DOCK4: variants seen among roughly 807,000 people sequenced by gnomAD.
DOCK4 encodes dedicator of cytokinesis protein 4.
DOCK4 carries 97 observed loss-of-function variants against 268.1 expected under a neutral mutation model. The ratio of observed to expected loss-of-function variants is 0.36; its 90% confidence interval spans 0.31 to 0.43. DOCK4 has a LOEUF of 0.43. Among genes scored for constraint, DOCK4 ranks in the 20% least tolerant of loss-of-function variants. DOCK4 has a pLI of 1.00. For synonymous variants in DOCK4, 954 were observed against 887.2 expected (o/e 1.08, Z -1.34); for missense variants, 2,145 against 2,455.7 (o/e 0.87, Z 2.67).
chr7:112,181,708 C>T (rs1282144577), intron 1 of DOCK4, among the ~76,000 whole-genome samples: 2 of 144,808 alleles, frequency 1.4e-5, no homozygotes, highest in East Asian at 2.0e-4. Context: ...AAGTATGATA[C>T]GTTCCCACTG....
intron 12 of DOCK4, among the ~76,000 whole-genome samples, chr7:111,934,562 C>G (rs1451011458): frequency 8.4e-6 from 1 of 119,558 alleles, no homozygotes; most frequent in African/African-American, 3.2e-5. Context: ...CAGTGTCTTG[C>G]TCTGTCACCC....
intron 38 of DOCK4, among the ~76,000 whole-genome samples, chr7:111,766,416 T>G (rs747764816): frequency 8.5e-5 from 13 of 152,200 alleles, no homozygotes; most frequent in Non-Finnish European, 1.9e-4. Context: ...CAGGATCTTG[T>G]GTATTACAAG....
intron 1 of DOCK4, among the ~76,000 whole-genome samples, chr7:112,122,253 T>C (rs926558204): frequency 2.6e-5 from 4 of 152,132 alleles, no homozygotes; most frequent in Non-Finnish European, 4.4e-5. Context: ...AGTATATTCA[T>C]ATTGTTGTAA....
At chr7:112,151,223 C>A (rs752324607) in intron 1 of DOCK4, among the ~76,000 whole-genome samples, 1 of 152,072 alleles carries the variant, frequency 6.6e-6, no homozygotes, top group Non-Finnish European at 1.5e-5. Context: ...GGCATCAGAA[C>A]GGGAGCTGGT....
chr7:112,077,103 C>T (rs969650421), intron 1 of DOCK4, among the ~76,000 whole-genome samples: 2 of 152,064 alleles, frequency 1.3e-5, no homozygotes, highest in African/African-American at 4.8e-5. Flanking sequence ...AACTGATACT[C>T]AGCAAATAAG....
Position 111,788,560 on chromosome 7 carries a change from T to C in DOCK4, c.3401+102A>G, listed in dbSNP as rs1799327375. 5 of 922,860 alleles carry C rather than the reference T, an allele frequency of 5.4e-6. No homozygotes were observed. The Admixed American group carries it at 8.0e-5, about 15-fold the overall frequency. The allele number at this position is 922,860 out of a possible 1,614,324, so 57.2% of individuals were successfully genotyped here. A position where few individuals can be genotyped will look rare whatever the true frequency, so the allele number is the denominator to read the frequency against. ...AAAGACAAAGCCCTCCTGTGAGACC[T>C]AAGCTGTCTTTGCAGCTCTCAGCTA... On this transcript the variant is annotated intron_variant, in intron 32 of 52. Coordinates refer to ENST00000428084, the MANE Select transcript of DOCK4 (RefSeq NM_001363540.2).
intron 1 of DOCK4, among the ~76,000 whole-genome samples, chr7:112,197,430 A>C (rs1299024744): frequency 6.6e-6 from 1 of 151,996 alleles, no homozygotes; most frequent in Non-Finnish European, 1.5e-5. Context: ...TTATTCGTGC[A>C]CTCTGTTTTT....
intron 1 of DOCK4, among the ~76,000 whole-genome samples, chr7:112,174,742 C>A (rs1426797153): frequency 3.3e-5 from 5 of 152,102 alleles, no homozygotes; most frequent in Admixed American, 3.3e-4. Context: ...GCCCCAGAAA[C>A]CTGTAATACC....
At chr7:111,753,009 G>GGGA (rs1554581811) in intron 42 of DOCK4, among the ~76,000 whole-genome samples, 1 of 146,130 alleles carries the variant, frequency 6.8e-6, no homozygotes, top group African/African-American at 2.5e-5. Context: ...AGCTATTGGG[G>GGGA]GGGGGGTCTG....
intron 52 of DOCK4, among the ~76,000 whole-genome samples, chr7:111,730,036 G>C (rs1241472286): frequency 6.6e-6 from 1 of 152,202 alleles, no homozygotes; most frequent in East Asian, 1.9e-4. Context: ...TTTAAAAGCT[G>C]AGAAGGGCTG....
intron 1 of DOCK4, among the ~76,000 whole-genome samples, chr7:112,052,126 G>C (rs1013563478): frequency 6.6e-6 from 1 of 152,064 alleles, no homozygotes; most frequent in African/African-American, 2.4e-5. Flanking sequence ...TAAACGCTAT[G>C]TAAATAATTA....
chr7:112,188,847 A>G (rs909041535), intron 1 of DOCK4, among the ~76,000 whole-genome samples: 1 of 152,232 alleles, frequency 6.6e-6, no homozygotes, highest in African/African-American at 2.4e-5. Flanking sequence ...GCAGCATTTT[A>G]TCCTACTAAA....
chr7:111,781,136 G>A lies in DOCK4; in HGVS notation c.3585+1728C>T, dbSNP rs573054561. Among the ~76,000 whole-genome samples, 10 of 152,280 alleles carry A rather than the reference G, an allele frequency of 6.6e-5. No individual in the cohort carries two copies. The East Asian group carries it at 1.9e-3, about 29-fold the overall frequency. ...ATGAACATAAGGTCTATATTTATTT[G>A]CTCATCTCCAAATGGAAGGTACTTG... On this transcript the variant is annotated intron_variant, in intron 35 of 52. Coordinates refer to ENST00000428084, the MANE Select transcript of DOCK4 (RefSeq NM_001363540.2).
intron 16 of DOCK4, among the ~76,000 whole-genome samples, chr7:111,882,020 A>C (rs571249486): frequency 6.6e-6 from 1 of 152,358 alleles, no homozygotes; most frequent in African/African-American, 2.4e-5. Flanking sequence ...ATAACACAAC[A>C]GGGTGACTAT....
At chr7:111,885,224 C>T (rs1465362565) in intron 16 of DOCK4, among the ~76,000 whole-genome samples, 1 of 152,160 alleles carries the variant, frequency 6.6e-6, no homozygotes, top group Admixed American at 6.5e-5. Flanking sequence ...CACCAAACTG[C>T]AGATGTGAGA....
chr7:112,057,229 C>T (rs965517990), intron 1 of DOCK4, among the ~76,000 whole-genome samples: 2 of 151,928 alleles, frequency 1.3e-5, no homozygotes, highest in African/African-American at 4.8e-5. Context: ...GCTTGGGCAA[C>T]AGAACAAGGC....
chr7:111,741,061 T>TAAAC (rs1352675900), intron 47 of DOCK4, 33 bp downstream of exon 47: 1 of 1,611,636 alleles, frequency 6.2e-7, no homozygotes, highest in Admixed American at 1.7e-5. Context: ...AGAAAAGGAA[T>TAAAC]AAACACAACC....
chr7:111,899,286 T>C (rs976502567), intron 15 of DOCK4, among the ~76,000 whole-genome samples: 32 of 152,186 alleles, frequency 2.1e-4, no homozygotes, highest in African/African-American at 7.5e-4. Flanking sequence ...CCACAAATCT[T>C]TTGGCAAAGC....
chr7:112,043,822 G>C (rs1383416656), intron 1 of DOCK4, among the ~76,000 whole-genome samples: 1 of 151,966 alleles, frequency 6.6e-6, no homozygotes, highest in African/African-American at 2.4e-5. Flanking sequence ...CTTCCACTCT[G>C]AAATAAGAAT....
Sources: gnomAD v4.1 joint callset for allele counts (sites outside exome capture counted in the v4.1 genomes callset) on GRCh38, gnomAD v4.1.1 for gene constraint, MANE v1.5 for transcripts, NCBI Gene and HGNC (gene_info 2026-07-23, HGNC 2026-07-21) for gene names.